The following CTDSPL2 variants were observed in gnomAD, a reference collection of about 807,000 sequenced individuals.
The protein encoded by CTDSPL2 is CTD small phosphatase-like protein 2.
A neutral mutation model predicts 60.0 loss-of-function variants in CTDSPL2; 5 were observed. The ratio of observed to expected loss-of-function variants is 0.08; its 90% confidence interval spans 0.04 to 0.18. The LOEUF (loss-of-function observed/expected upper bound fraction) is 0.18. Ranked by LOEUF, CTDSPL2 falls within the 10% of genes least tolerant of loss-of-function variation. The probability of loss-of-function intolerance (pLI) is 1.00; values close to 1 mark genes in which losing one functional copy is unlikely to be tolerated. For missense variants in CTDSPL2, 370 were observed against 548.8 expected (o/e 0.67, Z 3.26); for synonymous variants, 186 against 189.3 (o/e 0.98, Z 0.14).
chr15:44,512,265 G>T (rs2081580596), intron 8 of CTDSPL2, among the ~76,000 whole-genome samples: 1 of 152,018 alleles, frequency 6.6e-6, no homozygotes, highest in South Asian at 2.1e-4. Flanking sequence ...ATGCTCATTG[G>T]ATCATTTTGC....
At chr15:44,473,370 A>G (rs992625351) in intron 2 of CTDSPL2, among the ~76,000 whole-genome samples, 3 of 151,984 alleles carry the variant, frequency 2.0e-5, no homozygotes, top group African/African-American at 7.3e-5. Flanking sequence ...ATCTCAGCTC[A>G]CTGCAAGCTC....
intron 1 of CTDSPL2, among the ~76,000 whole-genome samples, chr15:44,441,644 C>T (rs1370482354): frequency 6.6e-6 from 1 of 152,118 alleles, no homozygotes; most frequent in Non-Finnish European, 1.5e-5. Context: ...CTTTCTGTCT[C>T]TCCTAGGAAG....
At position 44,497,212 on chromosome 15, in the gene CTDSPL2, T is replaced by G. The variant is rs2081314739; in HGVS notation, c.882+74T>G. The G allele has an allele frequency of 1.5e-5, 13 of 848,242 alleles. No homozygotes were observed. In the Admixed American group the frequency reaches 3.2e-4, roughly 21 times the overall value. 52.5% of individuals were successfully genotyped at this position (848,242 alleles called of 1,614,324 possible). A position where few individuals can be genotyped will look rare whatever the true frequency, so the allele number is the denominator to read the frequency against. ...TTTTTAGAATCATGCTTATGTTAGC[T>G]TTCCCTTTTTTTTGTCAGGATCATG... On this transcript the variant is annotated intron_variant, in intron 7 of 12. Coordinates refer to ENST00000260327, the MANE Select transcript of CTDSPL2 (RefSeq NM_016396.3).
At chr15:44,448,762 G>C (rs2080272247) in intron 1 of CTDSPL2, 1 of 352,004 alleles carries the variant, frequency 2.8e-6, no homozygotes, top group African/African-American at 2.2e-5. Context: ...TCCTAACCCT[G>C]TTCCAATACC....
At position 44,499,805 on chromosome 15, in the gene CTDSPL2, AT is replaced by A; in HGVS notation, c.964del (p.Tyr322IlefsTer5). ...TTTTCCAGTCCTTTTCCAAGATGTC[AT>A]TTATCAGGTAATTAAAATTTTTTTG... Reference protein sequence around the residue: ...LTFPVLFQDVIYQVYVRLRPF... With the variant: ...LTFPVLFQDVXYQVYVRLRPF... On this transcript the variant is annotated frameshift_variant, in exon 8 of 13. Coordinates refer to ENST00000260327, the MANE Select transcript of CTDSPL2 (RefSeq NM_016396.3). LOFTEE classifies it high-confidence loss of function. The A allele has an allele frequency of 1.3e-6, 2 of 1,593,568 alleles. No individual in the cohort carries two copies. Among genetic ancestry groups the A allele is most frequent in the Non-Finnish European group, 1.7e-6 (2 of 1,163,764 alleles).
At chr15:44,460,273 C>T (rs911635537) in intron 2 of CTDSPL2, among the ~76,000 whole-genome samples, 1 of 152,042 alleles carries the variant, frequency 6.6e-6, no homozygotes, top group African/African-American at 2.4e-5. Flanking sequence ...ACCACACCAG[C>T]TAATTTTTGT....
At chr15:44,435,629 C>T (rs1223823548) in intron 1 of CTDSPL2, among the ~76,000 whole-genome samples, 31 of 128,092 alleles carry the variant, frequency 2.4e-4, no homozygotes, top group African/African-American at 8.0e-4. Flanking sequence ...TTTTTTGAGG[C>T]GGAGTCTCGC....
chr15:44,494,780 G>A (rs148257796), intron 5 of CTDSPL2, among the ~76,000 whole-genome samples: 149 of 151,802 alleles, frequency 9.8e-4, no homozygotes, highest in African/African-American at 3.1e-3. Context: ...GCCGGGCGTG[G>A]TAGCAGGTGC....
chr15:44,471,064 G>A (rs1396835025), intron 2 of CTDSPL2, among the ~76,000 whole-genome samples: 2 of 152,064 alleles, frequency 1.3e-5, no homozygotes, highest in African/African-American at 2.4e-5. Flanking sequence ...GACAACCACT[G>A]ATCTTTCTGT....
intron 8 of CTDSPL2, among the ~76,000 whole-genome samples, chr15:44,506,220 GGGTTTT>G (rs1350155411): frequency 6.6e-6 from 1 of 151,464 alleles, no homozygotes; most frequent in Non-Finnish European, 1.5e-5. Flanking sequence ...AGTAGAGATG[GGGTTTT>G]ACCCTGTTGG....
rs68063380 is a variant in CTDSPL2, at chr15:44,511,867, CAAAAAAAA to C, written c.970-2713_970-2706del. On this transcript the variant is annotated intron_variant, in intron 8 of 12. Coordinates refer to ENST00000260327, the MANE Select transcript of CTDSPL2 (RefSeq NM_016396.3). ...TGGGCAGCAGAATGAGACGGTCTCG[CAAAAAAAA>C]AAAAAAAAAAAAAAAAAGAAAATCT... Among the ~76,000 whole-genome samples the C allele has an allele frequency of 3.6e-4, 11 of 30,626 alleles. No homozygotes were observed. In the East Asian group the frequency reaches 8.2e-3, roughly 23 times the overall value. The allele number at this position is 30,626 out of a possible 152,430, so 20.1% of individuals were successfully genotyped here.
At chr15:44,456,881 T>TCG (rs1202831795) in intron 1 of CTDSPL2, among the ~76,000 whole-genome samples, 1 of 146,112 alleles carries the variant, frequency 6.8e-6, no homozygotes, top group African/African-American at 2.6e-5. Flanking sequence ...TTTTTTTGTT[T>TCG]TTTTTTCTTT....
In CTDSPL2 at chr15:44,489,298, TGATG is replaced by T. The variant is rs1393599962; in HGVS notation, c.476-1481_476-1478del. ...TTACGTTGATTCAAGAGGGATTTCTTGATGGATGACAGTGGAGGAATGAGGGATC... is the reference window on the plus strand; with the variant it reads ...TTACGTTGATTCAAGAGGGATTTCTTGATGACAGTGGAGGAATGAGGGATC... On this transcript the variant is annotated intron_variant, in intron 4 of 12. Transcript: ENST00000260327. Among the ~76,000 whole-genome samples the T allele has an allele frequency of 6.6e-5, 10 of 152,204 alleles. No homozygotes were observed. The East Asian group carries it at 1.9e-3, about 29-fold the overall frequency.
At chr15:44,439,640 G>C (rs1474916847) in intron 1 of CTDSPL2, among the ~76,000 whole-genome samples, 2 of 151,644 alleles carry the variant, frequency 1.3e-5, no homozygotes, top group African/African-American at 4.8e-5. Context: ...TTCAGGTTTT[G>C]TATTTTCAAA....
intron 1 of CTDSPL2, among the ~76,000 whole-genome samples, chr15:44,432,016 G>T (rs1201311932): frequency 2.0e-5 from 3 of 151,882 alleles, no homozygotes; most frequent in African/African-American, 7.3e-5. Context: ...GAGCCACCGC[G>T]CCTGGCCAGG....
chr15:44,523,493 C>A (rs552883216), intron 12 of CTDSPL2, among the ~76,000 whole-genome samples: 1 of 152,168 alleles, frequency 6.6e-6, no homozygotes, highest in Non-Finnish European at 1.5e-5. Flanking sequence ...ATAATTCCAG[C>A]TACACAGGAG....
rs543975566 is a variant in CTDSPL2 at position 44,433,006 on chromosome 15, T to C, written c.-25+5234T>C. ...ATGGGATTCTAGCATGGAAATGTGT[T>C]TGTGGATTTGATTAAAACAACACAA... On this transcript the variant is annotated intron_variant, in intron 1 of 12. Coordinates refer to ENST00000260327, the MANE Select transcript of CTDSPL2 (RefSeq NM_016396.3). Among the ~76,000 whole-genome samples the C allele has an allele frequency of 7.9e-5, 12 of 152,028 alleles. 1 individual carries two copies. The highest frequency in any genetic ancestry group is 1.8e-4 in the Non-Finnish European group (12 of 67,986).
At chr15:44,455,877 A>G in intron 1 of CTDSPL2, among the ~76,000 whole-genome samples, 2 of 96,012 alleles carry the variant, frequency 2.1e-5, no homozygotes, top group African/African-American at 4.1e-5. Flanking sequence ...TTTGAGACGG[A>G]GTCTCGCTGT....
At chr15:44,521,844 A>G (rs2081776143) in intron 12 of CTDSPL2, among the ~76,000 whole-genome samples, 1 of 134,168 alleles carries the variant, frequency 7.5e-6, no homozygotes, top group Non-Finnish European at 1.5e-5. Flanking sequence ...AGGCTGAGGC[A>G]GGGGAATGGC....
Sources: gnomAD v4.1 joint callset for allele counts (sites outside exome capture counted in the v4.1 genomes callset) on GRCh38, gnomAD v4.1.1 for gene constraint, MANE v1.5 for transcripts, NCBI Gene and HGNC (gene_info 2026-07-23, HGNC 2026-07-21) for gene names.